The following BRD10 variants were observed in gnomAD, a reference collection of about 807,000 sequenced individuals.
BRD10 encodes the protein bromodomain containing 10, also known as uncharacterized bromodomain-containing protein 10.
the BRD10 span, chr9:5,922,952 C>T: frequency 6.2e-7 from 1 of 1,613,920 alleles, no homozygotes; most frequent in African/African-American, 1.3e-5. Context: ...CACTTTATTC[C>T]CAATATTCTT....
At chr9:5,945,372 T>C in the BRD10 span, among the ~76,000 whole-genome samples, 1 of 152,112 alleles carries the variant, frequency 6.6e-6, no homozygotes, top group Non-Finnish European at 1.5e-5. Flanking sequence ...CTTGGAGAAC[T>C]GTTATACCTT....
the BRD10 span, among the ~76,000 whole-genome samples, chr9:5,965,235 C>G: frequency 6.6e-6 from 1 of 151,744 alleles, no homozygotes; most frequent in African/African-American, 2.4e-5. Context: ...ATGAATGACA[C>G]AGCTCATCCC....
chr9:5,901,689 T>A, the BRD10 span, among the ~76,000 whole-genome samples: 3 of 151,998 alleles, frequency 2.0e-5, no homozygotes, highest in African/African-American at 7.2e-5. Flanking sequence ...TGGCTAAATT[T>A]TTTTGTATTT....
At chr9:5,892,542 C>G in the BRD10 span, 3 of 1,612,764 alleles carry the variant, frequency 1.9e-6, no homozygotes, top group Non-Finnish European at 2.5e-6. Flanking sequence ...TCTTACACCA[C>G]GGCTGAAGAG....
At chr9:5,933,089 T>C in the BRD10 span, among the ~76,000 whole-genome samples, 2 of 152,150 alleles carry the variant, frequency 1.3e-5, no homozygotes, top group African/African-American at 2.4e-5. Context: ...AAATGGCAGA[T>C]AGATAATTTA....
At chr9:5,938,644 G>C in the BRD10 span, among the ~76,000 whole-genome samples, 1 of 152,018 alleles carries the variant, frequency 6.6e-6, no homozygotes, top group East Asian at 1.9e-4. Context: ...GCTAGAATCT[G>C]TAACTAAGCA....
At chr9:5,926,497 A>G in the BRD10 span, among the ~76,000 whole-genome samples, 1 of 152,036 alleles carries the variant, frequency 6.6e-6, no homozygotes, top group Admixed American at 6.6e-5. Flanking sequence ...TTGTACAGAC[A>G]CAGTTGCACC....
chr9:5,992,350 G>A, the BRD10 span, among the ~76,000 whole-genome samples: 14 of 151,930 alleles, frequency 9.2e-5, no homozygotes, highest in Admixed American at 8.5e-4. Context: ...ACATAATTAA[G>A]GTTTAAAAAT....
At chr9:5,958,611 T>C in the BRD10 span, among the ~76,000 whole-genome samples, 4 of 151,924 alleles carry the variant, frequency 2.6e-5, no homozygotes, top group African/African-American at 9.7e-5. Flanking sequence ...CATAGCGAGA[T>C]CCTGTCTCTC....
the BRD10 span, among the ~76,000 whole-genome samples, chr9:5,943,168 C>T: frequency 3.3e-5 from 5 of 152,150 alleles, no homozygotes; most frequent in Admixed American, 2.6e-4. Flanking sequence ...TGAGCCACTA[C>T]GCCTGGCTGT....
chr9:5,949,874 T>C, the BRD10 span, among the ~76,000 whole-genome samples: 2 of 152,204 alleles, frequency 1.3e-5, no homozygotes, highest in South Asian at 2.1e-4. Context: ...AAAACTGATA[T>C]TCACTTTTCA....
At chr9:5,923,757 A>G in the BRD10 span, among the ~76,000 whole-genome samples, 78 of 152,322 alleles carry the variant, frequency 5.1e-4, no homozygotes, top group African/African-American at 1.8e-3. Context: ...AGGACAAAAA[A>G]TATCCAGCTT....
At chr9:5,961,200 A>T in the BRD10 span, among the ~76,000 whole-genome samples, 3 of 152,234 alleles carry the variant, frequency 2.0e-5, no homozygotes, top group Non-Finnish European at 4.4e-5. Flanking sequence ...CAATCCTCAA[A>T]ATAACCTAGA....
At chr9:5,953,944 A>G in the BRD10 span, 1 of 832,726 alleles carries the variant, frequency 1.2e-6, no homozygotes, top group South Asian at 1.6e-5. Context: ...GAATTCAGCC[A>G]AACTCTCGAG....
At chr9:5,980,573 T>C in the BRD10 span, among the ~76,000 whole-genome samples, 1 of 151,986 alleles carries the variant, frequency 6.6e-6, no homozygotes, top group Admixed American at 6.6e-5. Context: ...ATGGAATAGG[T>C]AACAAATTAG....
At chr9:5,951,864 C>G in the BRD10 span, among the ~76,000 whole-genome samples, 206 of 152,200 alleles carry the variant, frequency 1.4e-3, no homozygotes, top group Middle Eastern at 3.4e-3. Context: ...ATGAGTAATG[C>G]CGTGGTATTC....
chr9:5,997,890 C>T, the BRD10 span, among the ~76,000 whole-genome samples: 1 of 152,102 alleles, frequency 6.6e-6, no homozygotes, highest in African/African-American at 2.4e-5. Context: ...AAAGTAAGCA[C>T]ACACAATACA....
chr9:6,001,843 T>C, the BRD10 span, among the ~76,000 whole-genome samples: 1 of 152,216 alleles, frequency 6.6e-6, no homozygotes, highest in South Asian at 2.1e-4. Context: ...CCTCAAAGTA[T>C]GCTCCTTGGA....
the BRD10 span, among the ~76,000 whole-genome samples, chr9:5,916,132 C>G: frequency 6.6e-6 from 1 of 152,178 alleles, no homozygotes; most frequent in East Asian, 1.9e-4. Flanking sequence ...CAGATGACAA[C>G]ATTATAGTAA....
Sources: gnomAD v4.1 joint callset for allele counts (sites outside exome capture counted in the v4.1 genomes callset) on GRCh38, gnomAD v4.1.1 for gene constraint, MANE v1.5 for transcripts, NCBI Gene and HGNC (gene_info 2026-07-23, HGNC 2026-07-21) for gene names.